IQCH: variants seen among roughly 807,000 people sequenced by gnomAD.
IQCH encodes the protein IQ motif containing H, also known as IQ domain-containing protein H.
IQCH carries 98 observed loss-of-function variants against 117.0 expected under a neutral mutation model. The ratio of observed to expected loss-of-function variants is 0.84; its 90% CI spans 0.71 to 0.99. The LOEUF (loss-of-function observed/expected upper bound fraction) is 0.99, where lower values mean the gene tolerates loss of function less well. IQCH is among the 50% of genes least tolerant of loss of function. IQCH has a pLI of 0.00. For missense variants in IQCH, 1,102 were observed against 1,243.8 expected, an observed-to-expected ratio of 0.89 and a Z score of 1.72; for synonymous variants, 412 against 448.2, an observed-to-expected ratio of 0.92 and a Z score of 1.02.
intron 4 of IQCH, among the ~76,000 whole-genome samples, chr15:67,304,914 TTA>T (rs2140541410): frequency 6.6e-6 from 1 of 152,124 alleles, no homozygotes; most frequent in African/African-American, 2.4e-5. Flanking sequence ...GACTAAGCCT[TTA>T]TGTCAGCAAA....
chr15:67,419,599 A>C (rs1380559225), intron 15 of IQCH, among the ~76,000 whole-genome samples: 7 of 152,144 alleles, frequency 4.6e-5, no homozygotes, highest in South Asian at 2.1e-4. Context: ...TATCACCCAG[A>C]CTGGAGTGCA....
chr15:67,260,517 A>G (rs1303759685), intron 1 of IQCH, among the ~76,000 whole-genome samples: 1 of 152,254 alleles, frequency 6.6e-6, no homozygotes, highest in Admixed American at 6.5e-5. Flanking sequence ...ACCAACAGGC[A>G]CTGACAACAC....
At chr15:67,285,155 T>C (rs1966512580) in intron 4 of IQCH, among the ~76,000 whole-genome samples, 1 of 152,246 alleles carries the variant, frequency 6.6e-6, no homozygotes, top group South Asian at 2.1e-4. Flanking sequence ...CCATTCTGAC[T>C]GGTGTGAGAT....
chr15:67,359,104 A>G lies in IQCH; in HGVS notation c.715-743A>G, dbSNP rs1970028983. On this transcript the variant is annotated intron_variant, in intron 7 of 20. Coordinates refer to ENST00000335894, the MANE Select transcript of IQCH (RefSeq NM_001031715.3). The surrounding 1 kb of genome is among the most constrained non-coding windows in gnomAD (Gnocchi z 4.5). ...GTGAGAAGGCCATGGGCTAATATGCATAATAGGAACAGGCGGAGGCACCTG... is the reference window on the plus strand; with the variant it reads ...GTGAGAAGGCCATGGGCTAATATGCGTAATAGGAACAGGCGGAGGCACCTG... 6.6e-6 allele frequency among the ~76,000 whole-genome samples: 1 copy of G among 152,238 alleles called. No homozygotes were observed. Among genetic ancestry groups the G allele is most frequent in the Admixed American group, 6.5e-5 (1 of 15,282 alleles).
At position 67,365,003 on chromosome 15, in the gene IQCH, C is replaced by T. The variant is rs184162105; in HGVS notation, c.753+5118C>T. On this transcript the variant is annotated intron_variant, in intron 8 of 20. Coordinates refer to ENST00000335894, the MANE Select transcript of IQCH (RefSeq NM_001031715.3). The surrounding 1 kb of genome is among the most constrained non-coding windows in gnomAD (Gnocchi z 4.4). ...TCACCTAGTCTGCAGTGCAGTGGCA[C>T]GATTGTGGCTCACTGCAGCCTTGAC... 1.2e-4 allele frequency among the ~76,000 whole-genome samples: 19 copies of T among 152,312 alleles called. No homozygotes were observed. In the East Asian group the frequency reaches 3.1e-3, roughly 25 times the overall value.
intron 4 of IQCH, among the ~76,000 whole-genome samples, chr15:67,332,557 A>G (rs1428052844): frequency 6.6e-6 from 1 of 152,202 alleles, no homozygotes; most frequent in African/African-American, 2.4e-5. Flanking sequence ...AGCCATGACA[A>G]ATGAACTATA....
At chr15:67,340,935 G>A (rs946645676) in intron 5 of IQCH, among the ~76,000 whole-genome samples, 2 of 152,166 alleles carry the variant, frequency 1.3e-5, no homozygotes, top group African/African-American at 2.4e-5. Context: ...GTGGCCAGGC[G>A]CAGCGGCTCA....
chr15:67,429,352 A>G (rs2081968554), intron 16 of IQCH, among the ~76,000 whole-genome samples: 1 of 152,070 alleles, frequency 6.6e-6, no homozygotes, highest in Admixed American at 6.6e-5. Context: ...TTGTCTCTAC[A>G]AAAAATTTTT....
chr15:67,482,615 A>C (rs2083369507), intron 18 of IQCH, among the ~76,000 whole-genome samples: 1 of 152,226 alleles, frequency 6.6e-6, no homozygotes, highest in African/African-American at 2.4e-5. Flanking sequence ...ATGTTAAATC[A>C]CTTTGCAAGT....
intron 8 of IQCH, chr15:67,360,168 C>A (rs1444521610): frequency 8.1e-6 from 3 of 371,534 alleles, no homozygotes; most frequent in East Asian, 9.5e-5. Flanking sequence ...TGAATCACAT[C>A]AATCTTCAAA....
rs1276376860 is a variant in IQCH at position 67,364,059 on chromosome 15, T to C, written c.753+4174T>C. Among the ~76,000 whole-genome samples the C allele has an allele frequency of 2.0e-5, 3 of 152,236 alleles. No homozygotes were observed. Among genetic ancestry groups the C allele is most frequent in the Non-Finnish European group, 4.4e-5 (3 of 68,026 alleles). The stretch of plus-strand genomic sequence containing the variant: ...TTATGGTAGAATGATTTATAGTCCT[T>C]TGGGTATATACCCAATAAGGGGATT... On this transcript the variant is annotated intron_variant, in intron 8 of 20. Coordinates refer to ENST00000335894, the MANE Select transcript of IQCH (RefSeq NM_001031715.3). This position sits in a 1 kb window ranked among gnomAD's most constrained non-coding sequence, Gnocchi z 4.1.
At chr15:67,331,733 C>A (rs1700608324) in intron 4 of IQCH, among the ~76,000 whole-genome samples, 1 of 152,192 alleles carries the variant, frequency 6.6e-6, no homozygotes, top group African/African-American at 2.4e-5. Flanking sequence ...GATACGATTT[C>A]TTTCATCTTG....
At chr15:67,373,480 C>T in intron 10 of IQCH, 47 bp downstream of exon 10, 2 of 1,199,930 alleles carry the variant, frequency 1.7e-6, no homozygotes, top group Non-Finnish European at 2.5e-6. Flanking sequence ...CTATTACCCA[C>T]CACATTATGG....
rs556048722 is a variant in IQCH, at chr15:67,381,325, G to A, written c.1373-3611G>A. On this transcript the variant is annotated intron_variant, in intron 10 of 20. Coordinates refer to ENST00000335894, the MANE Select transcript of IQCH (RefSeq NM_001031715.3). This position sits in a 1 kb window ranked among gnomAD's most constrained non-coding sequence, Gnocchi z 5.1. ...ACCTTGGTTCAGTGGGGGACCAGAA[G>A]TAGTAGATGAGTAACTTCAGAGAGG... Among the ~76,000 whole-genome samples the A allele has an allele frequency of 8.5e-5, 13 of 152,214 alleles. No homozygotes were observed. Among genetic ancestry groups the A allele is most frequent in the Non-Finnish European group, 1.9e-4 (13 of 68,034 alleles).
chr15:67,373,419 A>T lies in IQCH; in HGVS notation c.1358A>T (p.His453Leu). ...AGGACCTCCAGGAGGACTATTATCCATATCCCATCATTAGGTATAACACTT... is the reference window on the plus strand; with the variant it reads ...AGGACCTCCAGGAGGACTATTATCCTTATCCCATCATTAGGTATAACACTT... The part of the protein sequence containing the change: ...RIRTSRRTII[H>L]IPSLGYSQPV... Residue 453 changes from histidine to leucine, a missense_variant, in exon 10 of 21, where the codon CAT becomes CTT. This residue lies in a region of IQCH where 650 missense variants were observed against 794.3 expected (regional missense o/e 0.82). Transcript: ENST00000335894. 1 of 1,608,714 alleles carries T rather than the reference A, an allele frequency of 6.2e-7. No individual in the cohort carries two copies. Among genetic ancestry groups the T allele is most frequent in the Non-Finnish European group, 8.5e-7 (1 of 1,175,366 alleles).
chr15:67,366,680 C>A lies in IQCH; in HGVS notation c.754-5431C>A, dbSNP rs946714004. 2.4e-4 allele frequency among the ~76,000 whole-genome samples: 37 copies of A among 152,112 alleles called. No homozygotes were observed. The highest frequency in any genetic ancestry group is 8.2e-4 in the African/African-American group (34 of 41,404). ...ATTCTCTTTGTAAAGGTTAAGGACT[C>A]TGACTTCCACTTTTAATTGGCACTT... On this transcript the variant is annotated intron_variant, in intron 8 of 20. Transcript: ENST00000335894. The surrounding 1 kb of genome is among the most constrained non-coding windows in gnomAD (Gnocchi z 4.4).
chr15:67,400,498 T>TTTTTTTTTTTTTC (rs1555481906), intron 14 of IQCH, among the ~76,000 whole-genome samples, 193 bp downstream of exon 14: 29,033 of 136,246 alleles, frequency 0.21, 3,459 homozygotes, highest in East Asian at 0.49. Context: ...TTTCTTTTTT[T>TTTTTTTTTTTTTC]TTTTGAGATG....
intron 16 of IQCH, among the ~76,000 whole-genome samples, chr15:67,451,431 T>A (rs1230199334): frequency 6.6e-6 from 1 of 152,180 alleles, no homozygotes; most frequent in Non-Finnish European, 1.5e-5. Context: ...GTGTCTTTGT[T>A]CTCGTTGGTT....
At chr15:67,373,975 A>T (rs917088387) in intron 10 of IQCH, 1 of 158,596 alleles carries the variant, frequency 6.3e-6, no homozygotes, top group Non-Finnish European at 1.4e-5. Flanking sequence ...GAAGTTGAAT[A>T]GTGTTTTTTG....
Sources: gnomAD v4.1 joint callset for allele counts (sites outside exome capture counted in the v4.1 genomes callset) on GRCh38, gnomAD v4.1.1 for gene constraint, gnomAD v4.1.1 regional missense constraint, Gnocchi (gnomAD v3.1) non-coding constraint, MANE v1.5 for transcripts, NCBI Gene and HGNC (gene_info 2026-07-23, HGNC 2026-07-21) for gene names.